Variants in CEP112 observed in about 807,000 individuals in gnomAD.
CEP112 encodes centrosomal protein 112, also known as centrosomal protein of 112 kDa.
CEP112 carries 127 observed loss-of-function variants against 153.0 expected under a neutral mutation model. The ratio of observed to expected loss-of-function variants is 0.83; its 90% CI spans 0.72 to 0.96. The LOEUF is 0.96. CEP112 is among the 40% of genes least tolerant of loss of function. The probability of loss-of-function intolerance (pLI) is 0.00; values close to 1 mark genes in which losing one functional copy is unlikely to be tolerated. For synonymous variants in CEP112, 358 were observed against 374.4 expected (o/e 0.96, Z 0.51); for missense variants, 1,089 against 1,101.2 (o/e 0.99, Z 0.16).
chr17:66,102,832 C>T (rs1009128094), intron 6 of CEP112, among the ~76,000 whole-genome samples: 5 of 149,786 alleles, frequency 3.3e-5, no homozygotes, highest in African/African-American at 1.2e-4. Context: ...AATTCCACAA[C>T]CATTCATGAT....
chr17:65,994,663 C>T (rs370070342), intron 17 of CEP112, among the ~76,000 whole-genome samples: 10 of 152,034 alleles, frequency 6.6e-5, no homozygotes, highest in African/African-American at 2.4e-4. Context: ...TTGTCCACAA[C>T]GTACAGAAAA....
intron 17 of CEP112, among the ~76,000 whole-genome samples, chr17:65,963,217 G>T (rs2062278093): frequency 1.3e-5 from 2 of 148,920 alleles, no homozygotes; most frequent in South Asian, 4.3e-4. Flanking sequence ...AAATGGGAAA[G>T]CTTACACAAG....
chr17:66,009,474 T>C (rs1362968565), intron 16 of CEP112, among the ~76,000 whole-genome samples: 1 of 152,188 alleles, frequency 6.6e-6, no homozygotes, highest in East Asian at 1.9e-4. Flanking sequence ...GATAAATGGT[T>C]TGCAAATATT....
intron 21 of CEP112, among the ~76,000 whole-genome samples, chr17:65,796,473 T>C (rs1402988932): frequency 6.6e-6 from 1 of 152,134 alleles, no homozygotes; most frequent in Admixed American, 6.5e-5. Flanking sequence ...TAGCAAACAA[T>C]ACTTAAGCAA....
chr17:65,665,150 A>C (rs1167910315), intron 24 of CEP112, among the ~76,000 whole-genome samples: 2 of 152,176 alleles, frequency 1.3e-5, no homozygotes, highest in Non-Finnish European at 1.5e-5. Flanking sequence ...TCAGCCCATA[A>C]CACCACCTCA....
intron 6 of CEP112, among the ~76,000 whole-genome samples, chr17:66,099,359 C>T (rs1022432318): frequency 8.6e-5 from 13 of 151,978 alleles, no homozygotes; most frequent in Admixed American, 3.9e-4. Context: ...CAAAAATTGG[C>T]TGGGCTTAGT....
intron 18 of CEP112, among the ~76,000 whole-genome samples, chr17:65,943,159 T>G (rs1378405750): frequency 1.3e-5 from 2 of 152,208 alleles, no homozygotes; most frequent in Non-Finnish European, 2.9e-5. Context: ...GATAAACATT[T>G]ATTTCTGTGC....
chr17:66,108,941 G>A (rs1033342252), intron 6 of CEP112, among the ~76,000 whole-genome samples: 2 of 152,156 alleles, frequency 1.3e-5, no homozygotes, highest in Non-Finnish European at 2.9e-5. Flanking sequence ...CCATAAAAAA[G>A]AATGAGATCC....
At chr17:65,783,876 G>T (rs1198766245) in intron 21 of CEP112, among the ~76,000 whole-genome samples, 1 of 152,214 alleles carries the variant, frequency 6.6e-6, no homozygotes, top group Non-Finnish European at 1.5e-5. Flanking sequence ...CTGTTGCCAG[G>T]TGGTAAGCAG....
chr17:65,704,305 C>T (rs756975127), intron 23 of CEP112, among the ~76,000 whole-genome samples: 5 of 152,074 alleles, frequency 3.3e-5, no homozygotes, highest in African/African-American at 2.4e-5. Flanking sequence ...AATAGCTTCT[C>T]GTTGTTTCAA....
At chr17:65,739,510 C>CAGGAGTTTG (rs2051001078) in intron 23 of CEP112, among the ~76,000 whole-genome samples, 1 of 152,010 alleles carries the variant, frequency 6.6e-6, no homozygotes, top group South Asian at 2.1e-4. Context: ...CTGAGGTGGG[C>CAGGAGTTTG]AGGTCACCTG....
At chr17:65,850,650 T>C (rs2057896436) in intron 21 of CEP112, among the ~76,000 whole-genome samples, 1 of 152,174 alleles carries the variant, frequency 6.6e-6, no homozygotes, top group South Asian at 2.1e-4. Context: ...TCAAATCATG[T>C]CACTCCTATG....
intron 12 of CEP112, among the ~76,000 whole-genome samples, chr17:66,048,329 A>G (rs1422630351): frequency 2.0e-5 from 3 of 152,176 alleles, no homozygotes; most frequent in Non-Finnish European, 4.4e-5. Context: ...AAATTATCCA[A>G]TGTTCACATA....
intron 24 of CEP112, among the ~76,000 whole-genome samples, chr17:65,681,742 T>G (rs1210009451): frequency 6.6e-6 from 1 of 150,868 alleles, no homozygotes; most frequent in African/African-American, 2.4e-5. Context: ...GGTGCAATCT[T>G]GGCTCACTGC....
At chr17:66,188,083 A>T (rs1224790601) in intron 1 of CEP112, among the ~76,000 whole-genome samples, 1 of 152,034 alleles carries the variant, frequency 6.6e-6, no homozygotes, top group Admixed American at 6.6e-5. Flanking sequence ...CAGCCTCATC[A>T]TCTGTCTCCC....
At chr17:65,970,212 C>A (rs908910474) in intron 17 of CEP112, among the ~76,000 whole-genome samples, 1 of 109,454 alleles carries the variant, frequency 9.1e-6, no homozygotes, top group Non-Finnish European at 1.9e-5. Context: ...GCATGTCATG[C>A]ATGCATATAC....
chr17:65,925,883 A>C (rs1422065857), intron 19 of CEP112, among the ~76,000 whole-genome samples: 2 of 152,196 alleles, frequency 1.3e-5, no homozygotes, highest in Non-Finnish European at 2.9e-5. Context: ...GCTGCAGTCA[A>C]TCCTCAAAGG....
intron 17 of CEP112, among the ~76,000 whole-genome samples, chr17:65,976,492 A>T (rs1244075621): frequency 6.6e-6 from 1 of 152,104 alleles, no homozygotes; most frequent in Non-Finnish European, 1.5e-5. Flanking sequence ...TAAAGCAGCA[A>T]TGTCATTAAT....
chr17:66,017,473 C>T (rs961685489), intron 16 of CEP112, among the ~76,000 whole-genome samples: 3 of 152,138 alleles, frequency 2.0e-5, no homozygotes, highest in South Asian at 2.1e-4. Flanking sequence ...CCCTAGGACC[C>T]AGGATAATAT....
Sources: gnomAD v4.1 joint callset for allele counts (sites outside exome capture counted in the v4.1 genomes callset) on GRCh38, gnomAD v4.1.1 for gene constraint, MANE v1.5 for transcripts, NCBI Gene and HGNC (gene_info 2026-07-23, HGNC 2026-07-21) for gene names.